The following AMMECR1 variants were observed in gnomAD, a reference collection of about 807,000 sequenced individuals.
AMMECR1 encodes the protein AMMECR nuclear protein 1.
In AMMECR1, 3 loss-of-function variants were observed where a neutral mutation model predicts 22.5. The ratio of observed to expected loss-of-function variants is 0.13; its 90% CI spans 0.06 to 0.35. The LOEUF (loss-of-function observed/expected upper bound fraction) is 0.35. Among genes scored for constraint, AMMECR1 ranks in the 10% least tolerant of loss-of-function variants. The pLI is 1.00. For missense variants in AMMECR1, 235 were observed against 278.7 expected (o/e 0.84, Z 1.12); for synonymous variants, 130 against 116.7 (o/e 1.11, Z -0.74).
chrX:110,351,335 A>G (rs1420423911), intron 2 of AMMECR1, among the ~76,000 whole-genome samples: 4 of 112,068 alleles, frequency 3.6e-5, no homozygotes, highest in African/African-American at 1.3e-4. Flanking sequence ...ACACTTCCCA[A>G]TTTCAAAACT....
intron 1 of AMMECR1, among the ~76,000 whole-genome samples, chrX:110,282,748 T>C (rs1420685384): frequency 1.8e-5 from 2 of 111,894 alleles, no homozygotes; most frequent in African/African-American, 6.5e-5. Context: ...TGAGAGATTA[T>C]GCCTTGCTCA....
At chrX:110,293,974 T>C (rs2067921830) in intron 1 of AMMECR1, among the ~76,000 whole-genome samples, 1 of 111,761 alleles carries the variant, frequency 8.9e-6, no homozygotes. Context: ...TATAAACTTC[T>C]TAAGGGCAGG....
upstream of AMMECR1, chrX:110,318,289 C>G (rs2068064062): frequency 8.5e-6 from 1 of 117,009 alleles, no homozygotes; most frequent in African/African-American, 3.3e-5. Flanking sequence ...GCGCCTCGCG[C>G]CTGTCCCGCC....
At chrX:110,424,166 A>C (rs1437501010) in intron 2 of AMMECR1, among the ~76,000 whole-genome samples, 1 of 111,795 alleles carries the variant, frequency 8.9e-6, no homozygotes, top group Non-Finnish European at 1.9e-5. Context: ...ATAAGTTGAG[A>C]GCTAGGATTC....
chrX:110,254,126 C>A (rs1319083978), intron 2 of AMMECR1, among the ~76,000 whole-genome samples: 1 of 111,086 alleles, frequency 9.0e-6, no homozygotes. Flanking sequence ...CCGACCTCCC[C>A]AACACTTGCA....
chrX:110,240,397 C>G (rs866086347), intron 2 of AMMECR1, among the ~76,000 whole-genome samples: 1 of 39,562 alleles, frequency 2.5e-5, no homozygotes, highest in Admixed American at 2.9e-4. Flanking sequence ...AAAAAAAAAA[C>G]AAAAACGGGG....
chrX:110,384,706 C>A (rs1181573614), intron 2 of AMMECR1, among the ~76,000 whole-genome samples: 1 of 110,809 alleles, frequency 9.0e-6, no homozygotes, highest in Non-Finnish European at 1.9e-5. Context: ...CAGAAGGTGA[C>A]AAATGTGGCT....
chrX:110,209,872 GACACAC>G (rs112143179), intron 3 of AMMECR1, among the ~76,000 whole-genome samples: 1 of 104,828 alleles, frequency 9.5e-6, no homozygotes, highest in Non-Finnish European at 2.0e-5. Flanking sequence ...AAATGCTGGG[GACACAC>G]ACACACACAC....
chrX:110,439,793 C>T (rs1468517094), intron 1 of AMMECR1: 3 of 110,438 alleles, frequency 2.7e-5, no homozygotes, highest in African/African-American at 9.9e-5. Flanking sequence ...ATGGACCTGC[C>T]CACACCTGAG....
intron 2 of AMMECR1, among the ~76,000 whole-genome samples, chrX:110,242,239 A>C (rs980655560): frequency 9.0e-6 from 1 of 111,724 alleles, no homozygotes; most frequent in African/African-American, 3.3e-5. Context: ...CAACAATATA[A>C]AAAAAATGGC....
intron 2 of AMMECR1, among the ~76,000 whole-genome samples, chrX:110,231,672 C>T (rs1213774988): frequency 9.0e-6 from 1 of 111,481 alleles, no homozygotes; most frequent in Non-Finnish European, 1.9e-5. Context: ...ACAATATTAA[C>T]CTTAAATGTA....
chrX:110,222,439 A>C (rs1166321561), intron 2 of AMMECR1, among the ~76,000 whole-genome samples: 5 of 75,413 alleles, frequency 6.6e-5, no homozygotes, highest in African/African-American at 2.5e-4. Context: ...CACTCTGGGG[A>C]CTGTTGTGGG....
intron 1 of AMMECR1, among the ~76,000 whole-genome samples, chrX:110,436,996 C>A (rs2068843336): frequency 8.9e-6 from 1 of 112,196 alleles, no homozygotes; most frequent in South Asian, 3.7e-4. Flanking sequence ...GAAGTGATTC[C>A]ATTTCGCCTC....
At chrX:110,432,589 T>C (rs1370100770) in intron 1 of AMMECR1, among the ~76,000 whole-genome samples, 2 of 112,243 alleles carry the variant, frequency 1.8e-5, no homozygotes, top group Non-Finnish European at 3.8e-5. Context: ...TATTTTTCAC[T>C]GTATTGTGTG....
intron 1 of AMMECR1, among the ~76,000 whole-genome samples, chrX:110,277,200 G>T (rs2067830304): frequency 9.0e-6 from 1 of 111,395 alleles, no homozygotes. Flanking sequence ...TCACATTAAG[G>T]TTCAAACTCT....
intron 1 of AMMECR1, among the ~76,000 whole-genome samples, chrX:110,439,503 G>A (rs2068864042): frequency 8.9e-6 from 1 of 112,230 alleles, no homozygotes; most frequent in Non-Finnish European, 1.9e-5. Flanking sequence ...AGATGGAGAA[G>A]CCAGCAGGGG....
At chrX:110,322,888 A>C (rs2068084491), upstream of AMMECR1, among the ~76,000 whole-genome samples, 1 of 111,583 alleles carries the variant, frequency 9.0e-6, no homozygotes, top group African/African-American at 3.3e-5. Flanking sequence ...CTAGCTCCTA[A>C]TAGTGCAGCT....
At chrX:110,224,634 G>C (rs1569378197) in intron 2 of AMMECR1, among the ~76,000 whole-genome samples, 1 of 111,523 alleles carries the variant, frequency 9.0e-6, no homozygotes, top group Non-Finnish European at 1.9e-5. Context: ...ATGCTGCTTT[G>C]AAACAGTTTC....
chrX:110,402,301 T>A (rs747779992), intron 2 of AMMECR1, among the ~76,000 whole-genome samples: 2 of 113,240 alleles, frequency 1.8e-5, no homozygotes, highest in Admixed American at 9.3e-5. Flanking sequence ...CTATGAGTGA[T>A]GCCAGAAACC....
Sources: gnomAD v4.1 joint callset for allele counts (sites outside exome capture counted in the v4.1 genomes callset) on GRCh38, gnomAD v4.1.1 for gene constraint, MANE v1.5 for transcripts, NCBI Gene and HGNC (gene_info 2026-07-23, HGNC 2026-07-21) for gene names.